The following ZNRF2 variants were observed in gnomAD, a reference collection of about 807,000 sequenced individuals.
ZNRF2 encodes the protein E3 ubiquitin-protein ligase ZNRF2.
In ZNRF2, 16 loss-of-function variants were observed where a neutral mutation model predicts 20.4. The observed-to-expected ratio is 0.79, with a 90% confidence interval of 0.53 to 1.19. The LOEUF is 1.19. Among genes scored for constraint, ZNRF2 ranks in the 50% most tolerant of loss-of-function variants. The pLI is 0.00. For missense variants in ZNRF2, 363 were observed against 332.4 expected (o/e 1.09, Z -0.72); for synonymous variants, 178 against 144.9 (o/e 1.23, Z -1.64).
At chr7:30,291,717 G>T (rs1005451560) in intron 1 of ZNRF2, among the ~76,000 whole-genome samples, 2 of 152,172 alleles carry the variant, frequency 1.3e-5, no homozygotes, top group Non-Finnish European at 1.5e-5. Context: ...TACTTTAAGT[G>T]GTTGGAAACA....
intron 1 of ZNRF2, among the ~76,000 whole-genome samples, chr7:30,304,974 A>G (rs529796966): frequency 6.6e-5 from 10 of 152,346 alleles, no homozygotes; most frequent in African/African-American, 2.4e-4. Context: ...CATTTAAATT[A>G]TATTTAAAAC....
At chr7:30,292,186 T>C (rs1374307938) in intron 1 of ZNRF2, among the ~76,000 whole-genome samples, 1 of 152,216 alleles carries the variant, frequency 6.6e-6, no homozygotes, top group Admixed American at 6.5e-5. Context: ...AAGAATTGCT[T>C]TACCTGAATC....
chr7:30,299,093 T>C (rs1472148186), intron 1 of ZNRF2, among the ~76,000 whole-genome samples: 1 of 152,194 alleles, frequency 6.6e-6, no homozygotes, highest in African/African-American at 2.4e-5. Flanking sequence ...ACTTAGTTTT[T>C]TTTTAATTGC....
At chr7:30,336,603 T>C (rs1799719416) in intron 2 of ZNRF2, among the ~76,000 whole-genome samples, 1 of 152,182 alleles carries the variant, frequency 6.6e-6, no homozygotes, top group African/African-American at 2.4e-5. Flanking sequence ...TTCTAGGTAG[T>C]TTCTCATTTA....
At chr7:30,292,767 T>G (rs536009947) in intron 1 of ZNRF2, among the ~76,000 whole-genome samples, 1 of 152,142 alleles carries the variant, frequency 6.6e-6, no homozygotes, top group African/African-American at 2.4e-5. Flanking sequence ...GTACCTGATA[T>G]GTAGGTTTAC....
At chr7:30,346,624 A>C (rs532409547) in intron 2 of ZNRF2, among the ~76,000 whole-genome samples, 1 of 151,974 alleles carries the variant, frequency 6.6e-6, no homozygotes, top group Non-Finnish European at 1.5e-5. Flanking sequence ...GAAAGCCAGA[A>C]TTTTTTTGTT....
At chr7:30,347,273 T>C (rs1799893285) in intron 2 of ZNRF2, among the ~76,000 whole-genome samples, 1 of 152,250 alleles carries the variant, frequency 6.6e-6, no homozygotes, top group Non-Finnish European at 1.5e-5. Flanking sequence ...ATTTCTCTTT[T>C]GTGAGCCTGT....
chr7:30,305,005 A>G (rs888954857), intron 1 of ZNRF2, among the ~76,000 whole-genome samples: 3 of 152,166 alleles, frequency 2.0e-5, no homozygotes, highest in Non-Finnish European at 4.4e-5. Flanking sequence ...CTCAAAACTT[A>G]TGTCCTAGTT....
chr7:30,329,813 T>A (rs1316600082), intron 2 of ZNRF2, among the ~76,000 whole-genome samples: 1 of 152,234 alleles, frequency 6.6e-6, no homozygotes, highest in Non-Finnish European at 1.5e-5. Flanking sequence ...TTCTTTTGGA[T>A]ATATATCCAG....
At chr7:30,345,261 A>G (rs890343744) in intron 2 of ZNRF2, among the ~76,000 whole-genome samples, 32 of 150,530 alleles carry the variant, frequency 2.1e-4, no homozygotes, top group East Asian at 2.0e-4. Flanking sequence ...TCTCATTTCT[A>G]CCCCTTGATG....
intron 2 of ZNRF2, among the ~76,000 whole-genome samples, chr7:30,340,937 A>G (rs1799786363): frequency 6.6e-6 from 1 of 152,132 alleles, no homozygotes; most frequent in South Asian, 2.1e-4. Flanking sequence ...TGGTCTATTC[A>G]GGGATTCTGC....
intron 2 of ZNRF2, among the ~76,000 whole-genome samples, chr7:30,325,852 A>G (rs1269308299): frequency 1.3e-5 from 2 of 152,206 alleles, no homozygotes; most frequent in African/African-American, 4.8e-5. Context: ...CTTCAAGTTT[A>G]GTTATTTAAG....
At position 30,341,335 on chromosome 7, in the gene ZNRF2, C is replaced by T. The variant is rs568975554; in HGVS notation, c.566-14393C>T. On this transcript the variant is annotated intron_variant, in intron 2 of 4. Coordinates refer to ENST00000323037, the MANE Select transcript of ZNRF2 (RefSeq NM_147128.4). ...TCTTTTAATTTTGATGTTAGGGTGT[C>T]GATTTTAGATCTTTCCCGCTTTCTC... Among the ~76,000 whole-genome samples, 4 of 152,086 alleles carry T rather than the reference C, an allele frequency of 2.6e-5. No individual in the cohort carries two copies. The East Asian group carries it at 7.7e-4, about 29-fold the overall frequency.
intron 3 of ZNRF2, among the ~76,000 whole-genome samples, 174 bp from the exon 4 acceptor site, chr7:30,362,203 A>C (rs987530956): frequency 2.6e-5 from 4 of 152,224 alleles, no homozygotes; most frequent in African/African-American, 9.6e-5. Context: ...TTAATCGCTT[A>C]GAATCAAAAT....
chr7:30,320,048 A>T (rs192449319), intron 1 of ZNRF2, among the ~76,000 whole-genome samples: 1 of 152,242 alleles, frequency 6.6e-6, no homozygotes, highest in Admixed American at 6.5e-5. Flanking sequence ...GTGAGTTTAT[A>T]TATTTATTTA....
At chr7:30,339,821 GGGGATA>G (rs1411979796) in intron 2 of ZNRF2, among the ~76,000 whole-genome samples, 25 of 152,124 alleles carry the variant, frequency 1.6e-4, no homozygotes, top group African/African-American at 5.1e-4. Flanking sequence ...GTAGCTTAAT[GGGGATA>G]GCATTGACTC....
At chr7:30,295,167 T>G (rs2128056150) in intron 1 of ZNRF2, among the ~76,000 whole-genome samples, 1 of 151,186 alleles carries the variant, frequency 6.6e-6, no homozygotes, top group South Asian at 2.1e-4. Flanking sequence ...CTTGAGACTC[T>G]CTGTACTTCC....
At chr7:30,346,404 G>T (rs946287614) in intron 2 of ZNRF2, among the ~76,000 whole-genome samples, 4 of 151,790 alleles carry the variant, frequency 2.6e-5, no homozygotes, top group Admixed American at 2.0e-4. Context: ...ATGTTGGCCA[G>T]GCTGTTTTCC....
Position 30,285,845 on chromosome 7 carries a change from G to A in ZNRF2, c.469+19G>A. ...TTTGGAGGTACGGACCCCTCTCCGC[G>A]CACCCGCGCTCGGTCCTCCCGCGGC... On this transcript the variant is annotated intron_variant, in intron 1 of 4. Transcript: ENST00000323037. The A allele has an allele frequency of 6.8e-7, 1 of 1,476,838 alleles. No homozygotes were observed. The highest frequency in any genetic ancestry group is 8.9e-7 in the Non-Finnish European group (1 of 1,121,460). 91.5% of individuals were successfully genotyped at this position (1,476,838 alleles called of 1,614,324 possible). A position where few individuals can be genotyped will look rare whatever the true frequency, so the allele number is the denominator to read the frequency against.
Sources: allele counts gnomAD v4.1 joint callset (sites outside exome capture counted in the v4.1 genomes callset), GRCh38; gene constraint gnomAD v4.1.1; transcripts MANE v1.5; gene names NCBI Gene and HGNC (gene_info 2026-07-23, HGNC 2026-07-21).